ROBO1: variants seen among roughly 807,000 people sequenced by gnomAD.
ROBO1 encodes the protein roundabout homolog 1.
A neutral mutation model predicts 195.9 loss-of-function variants in ROBO1; 149 were observed. That is an observed-to-expected ratio of 0.76 (90% CI 0.67 to 0.87). The LOEUF is 0.87. ROBO1 is among the 40% of genes least tolerant of loss of function. ROBO1 has a pLI of 0.00. For missense variants in ROBO1, 1,933 were observed against 2,068.3 expected, an observed-to-expected ratio of 0.93 and a Z score of 1.27; for synonymous variants, 816 against 733.2, an observed-to-expected ratio of 1.11 and a Z score of -1.82.
intron 1 of ROBO1, among the ~76,000 whole-genome samples, chr3:79,738,263 A>G (rs1427102599): frequency 6.6e-6 from 1 of 152,190 alleles, no homozygotes. Context: ...TTTAAAGACA[A>G]TGCAAAGTAA....
chr3:79,014,833 A>G (rs2077882913), intron 3 of ROBO1, among the ~76,000 whole-genome samples: 1 of 152,228 alleles, frequency 6.6e-6, no homozygotes, highest in Non-Finnish European at 1.5e-5. Context: ...TAACCTAAGT[A>G]TCACCTTAAC....
chr3:79,608,277 A>G (rs529784535), intron 1 of ROBO1, among the ~76,000 whole-genome samples: 28 of 152,062 alleles, frequency 1.8e-4, no homozygotes, highest in African/African-American at 6.0e-4. Context: ...CTTCTCTGAT[A>G]TTATGTTTGC....
intron 27 of ROBO1, among the ~76,000 whole-genome samples, chr3:78,616,068 C>T (rs531719033): frequency 6.6e-6 from 1 of 152,274 alleles, no homozygotes; most frequent in African/African-American, 2.4e-5. Flanking sequence ...AGAATTAGGG[C>T]TGAGACTGAA....
At chr3:78,693,548 A>T (rs771440965) in intron 8 of ROBO1, among the ~76,000 whole-genome samples, 6 of 152,184 alleles carry the variant, frequency 3.9e-5, no homozygotes, top group Non-Finnish European at 8.8e-5. Context: ...ATCATGATTA[A>T]TTTAAGAAAA....
intron 19 of ROBO1, 56 bp from the exon 20 acceptor site, chr3:78,647,711 C>A: frequency 1.5e-6 from 2 of 1,376,676 alleles, no homozygotes; most frequent in South Asian, 2.3e-5. Context: ...AGAAAGGGAA[C>A]ATATCACATT....
At chr3:78,736,357 T>C (rs2082392206) in intron 5 of ROBO1, among the ~76,000 whole-genome samples, 1 of 152,152 alleles carries the variant, frequency 6.6e-6, no homozygotes, top group Admixed American at 6.6e-5. Context: ...AGATAAGTAA[T>C]ATATAAATCA....
intron 3 of ROBO1, among the ~76,000 whole-genome samples, chr3:79,116,237 CTG>C (rs2079991334): frequency 6.6e-6 from 1 of 152,070 alleles, no homozygotes; most frequent in Non-Finnish European, 1.5e-5. Context: ...AAGCCTCTTC[CTG>C]TATAATTTAA....
chr3:78,954,350 T>C (rs13325521), intron 3 of ROBO1, among the ~76,000 whole-genome samples: 2 of 151,932 alleles, frequency 1.3e-5, no homozygotes, highest in Non-Finnish European at 2.9e-5. Flanking sequence ...ACTGAGTGAA[T>C]AGTCATATTG....
chr3:78,624,897 G>T (rs1041245257), intron 26 of ROBO1, among the ~76,000 whole-genome samples: 4 of 152,088 alleles, frequency 2.6e-5, no homozygotes, highest in African/African-American at 9.7e-5. Flanking sequence ...AAAAGAGCAT[G>T]TAGAAGACCT....
intron 3 of ROBO1, among the ~76,000 whole-genome samples, chr3:79,108,712 T>C (rs1428453300): frequency 1.3e-5 from 2 of 151,804 alleles, no homozygotes; most frequent in Non-Finnish European, 2.9e-5. Flanking sequence ...TTGATTAAAT[T>C]ATAGAGTGAA....
intron 2 of ROBO1, among the ~76,000 whole-genome samples, chr3:79,345,363 AG>A (rs2035070797): frequency 6.6e-6 from 1 of 152,146 alleles, no homozygotes; most frequent in South Asian, 2.1e-4. Context: ...CAGGAGCAGA[AG>A]TGTAGGCAAT....
intron 4 of ROBO1, among the ~76,000 whole-genome samples, chr3:78,935,738 C>A (rs2039770071): frequency 6.6e-6 from 1 of 151,922 alleles, no homozygotes; most frequent in African/African-American, 2.4e-5. Context: ...TTCATATTCT[C>A]ATCAAGACAT....
At chr3:78,740,440 ATTTT>A (rs1182833373) in intron 5 of ROBO1, among the ~76,000 whole-genome samples, 1 of 99,630 alleles carries the variant, frequency 1.0e-5, no homozygotes, top group African/African-American at 3.4e-5. Context: ...CTTATTTCTT[ATTTT>A]TCTTTTTTTC....
At chr3:79,473,888 C>A (rs981953792) in intron 2 of ROBO1, among the ~76,000 whole-genome samples, 1 of 151,958 alleles carries the variant, frequency 6.6e-6, no homozygotes, top group South Asian at 2.1e-4. Context: ...CATTTCATAC[C>A]GAATACCAAC....
At chr3:79,149,766 G>T (rs780773952) in intron 2 of ROBO1, among the ~76,000 whole-genome samples, 4 of 151,608 alleles carry the variant, frequency 2.6e-5, no homozygotes, top group African/African-American at 4.8e-5. Flanking sequence ...ACCTTTAAGT[G>T]GGCCAGAAGG....
chr3:78,720,574 C>A (rs2082016224), intron 5 of ROBO1, among the ~76,000 whole-genome samples: 1 of 152,124 alleles, frequency 6.6e-6, no homozygotes, highest in South Asian at 2.1e-4. Flanking sequence ...TACCATTTGA[C>A]TCAGCCATCC....
At chr3:79,260,884 C>A (rs982766683) in intron 2 of ROBO1, among the ~76,000 whole-genome samples, 7 of 152,154 alleles carry the variant, frequency 4.6e-5, no homozygotes, top group African/African-American at 1.7e-4. Context: ...TAATTATTCA[C>A]CTATAATCTA....
intron 3 of ROBO1, among the ~76,000 whole-genome samples, chr3:78,965,510 T>C (rs1041275061): frequency 6.6e-6 from 1 of 152,138 alleles, no homozygotes; most frequent in Non-Finnish European, 1.5e-5. Flanking sequence ...GGAAAGTTCT[T>C]TAGTGGGAAA....
At chr3:78,982,496 A>G (rs2077019155) in intron 3 of ROBO1, among the ~76,000 whole-genome samples, 1 of 152,222 alleles carries the variant, frequency 6.6e-6, no homozygotes, top group Non-Finnish European at 1.5e-5. Context: ...ACCAAATGCT[A>G]GTACTGGGTT....
Sources: gnomAD v4.1 joint callset for allele counts (sites outside exome capture counted in the v4.1 genomes callset) on GRCh38, gnomAD v4.1.1 for gene constraint, MANE v1.5 for transcripts, NCBI Gene and HGNC (gene_info 2026-07-23, HGNC 2026-07-21) for gene names.